The following PDE3B variants were observed in gnomAD, a reference collection of about 807,000 sequenced individuals.
The protein encoded by PDE3B is phosphodiesterase 3B, also known as cGMP-inhibited 3',5'-cyclic phosphodiesterase 3B.
Under a neutral mutation model 116.8 loss-of-function variants are expected in PDE3B, and 66 were observed. The observed-to-expected ratio is 0.56, with a 90% CI of 0.46 to 0.69. The LOEUF is 0.69. Among genes scored for constraint, PDE3B ranks in the 30% least tolerant of loss-of-function variants. The pLI, the probability that PDE3B is intolerant of heterozygous loss-of-function variation, is 0.00. For synonymous variants in PDE3B, 595 were observed against 533.6 expected (o/e 1.12, Z -1.59); for missense variants, 1,384 against 1,368.1 (o/e 1.01, Z -0.18).
chr11:14,675,855 GC>G (rs1237666833), intron 1 of PDE3B, among the ~76,000 whole-genome samples: 1 of 152,184 alleles, frequency 6.6e-6, no homozygotes, highest in African/African-American at 2.4e-5. Flanking sequence ...GCATTCTTGT[GC>G]AAGTCTTTTT....
chr11:14,688,960 G>T (rs1158621652), intron 1 of PDE3B, among the ~76,000 whole-genome samples: 1 of 151,980 alleles, frequency 6.6e-6, no homozygotes, highest in Non-Finnish European at 1.5e-5. Context: ...TTTAGTAGAG[G>T]TGAAGTTTCG....
chr11:14,890,220 GAAAA>G, the PDE3B span, among the ~76,000 whole-genome samples: 1 of 147,264 alleles, frequency 6.8e-6, no homozygotes, highest in Non-Finnish European at 1.5e-5. Context: ...TCACTACCGA[GAAAA>G]AAAAAAGACT....
intron 1 of PDE3B, among the ~76,000 whole-genome samples, chr11:14,700,092 C>CTGCT (rs1855320835): frequency 1.3e-5 from 2 of 151,586 alleles, no homozygotes; most frequent in South Asian, 4.2e-4. Context: ...AAGTGTTGGC[C>CTGCT]TGCTGGTCTT....
chr11:14,823,127 G>C (rs890223122), intron 7 of PDE3B, among the ~76,000 whole-genome samples: 1 of 152,182 alleles, frequency 6.6e-6, no homozygotes, highest in African/African-American at 2.4e-5. Flanking sequence ...TCCCGGGGGA[G>C]GGACAGGCCG....
intron 1 of PDE3B, among the ~76,000 whole-genome samples, chr11:14,645,460 C>T (rs1726271409): frequency 6.6e-6 from 1 of 152,062 alleles, no homozygotes; most frequent in African/African-American, 2.4e-5. Context: ...ATGATGCCTA[C>T]CCAAAAATAA....
chr11:14,822,123 A>C (rs1380432635), intron 7 of PDE3B, among the ~76,000 whole-genome samples: 1 of 152,080 alleles, frequency 6.6e-6, no homozygotes, highest in African/African-American at 2.4e-5. Context: ...GGCCAGTCCC[A>C]AACTTTTGGC....
intron 4 of PDE3B, 52 bp downstream of exon 4, chr11:14,789,294 T>C (rs766788657): frequency 7.1e-7 from 1 of 1,409,966 alleles, no homozygotes; most frequent in South Asian, 1.2e-5. Flanking sequence ...ATCTACTTTG[T>C]TTCTGTCAAT....
chr11:14,798,085 A>G (rs1858613755), intron 4 of PDE3B, among the ~76,000 whole-genome samples: 1 of 152,148 alleles, frequency 6.6e-6, no homozygotes, highest in African/African-American at 2.4e-5. Flanking sequence ...AATAGCTCTT[A>G]TTATTTTGAG....
intron 4 of PDE3B, among the ~76,000 whole-genome samples, chr11:14,800,997 T>A (rs1858743826): frequency 6.6e-6 from 1 of 152,146 alleles, no homozygotes; most frequent in African/African-American, 2.4e-5. Context: ...GTTTTTCAGC[T>A]CCATCAGGTC....
rs1327188919 is a variant in PDE3B, at chr11:14,830,800, G to A, written c.1910G>A (p.Gly637Asp). 2 of 1,537,498 alleles carry A rather than the reference G, an allele frequency of 1.3e-6. No homozygotes were observed. The highest frequency in any genetic ancestry group is 4.4e-5 in the Admixed American group (2 of 45,158). ...KKDSRKLFQE[G>D]DKWLTEEAQS... Reference sequence around the variant, plus strand: ...GACAGCAGAAAATTATTTCAGGAAGGTGATAAGTGGCTAACAGAAGAGGCA... The same window carrying A: ...GACAGCAGAAAATTATTTCAGGAAGATGATAAGTGGCTAACAGAAGAGGCA... The change falls in exon 8 of 16, where the codon GGT becomes GAT. Residue 637 changes from glycine to aspartate, a missense_variant. This residue lies in a region of PDE3B where 956 missense variants were observed against 806.8 expected (regional missense o/e 1.18). Transcript: ENST00000282096.
chr11:14,817,325 T>C (rs182925032), intron 5 of PDE3B, among the ~76,000 whole-genome samples: 1 of 152,030 alleles, frequency 6.6e-6, no homozygotes, highest in East Asian at 1.9e-4. Context: ...TTAGGAGATA[T>C]ACCTAATGTA....
At chr11:14,762,269 T>C (rs1203435098) in intron 1 of PDE3B, among the ~76,000 whole-genome samples, 1 of 152,120 alleles carries the variant, frequency 6.6e-6, no homozygotes, top group African/African-American at 2.4e-5. Flanking sequence ...ACCCAGCTGA[T>C]TTTGTACTTC....
intron 1 of PDE3B, among the ~76,000 whole-genome samples, chr11:14,657,286 A>G (rs1344817775): frequency 6.6e-6 from 1 of 152,196 alleles, no homozygotes; most frequent in Non-Finnish European, 1.5e-5. Context: ...AGGAATGGTA[A>G]GAGGGAGATA....
chr11:14,689,984 G>A (rs1590064408), intron 1 of PDE3B, among the ~76,000 whole-genome samples: 1 of 152,234 alleles, frequency 6.6e-6, no homozygotes, highest in South Asian at 2.1e-4. Context: ...TTTAGTTTGG[G>A]AGGCATGTAT....
chr11:14,778,724 C>T (rs556176510), intron 2 of PDE3B, among the ~76,000 whole-genome samples: 121 of 152,308 alleles, frequency 7.9e-4, no homozygotes, highest in African/African-American at 2.7e-3. Context: ...GAAACCAGAG[C>T]AGAAAAGCTG....
intron 4 of PDE3B, 96 bp downstream of exon 4, chr11:14,789,338 T>C: frequency 1.1e-6 from 1 of 935,446 alleles, no homozygotes. Flanking sequence ...CAGAAAGGAA[T>C]GGTTGAAGTA....
chr11:14,770,812 G>A (rs1857618286), intron 1 of PDE3B, among the ~76,000 whole-genome samples: 2 of 151,572 alleles, frequency 1.3e-5, no homozygotes, highest in Admixed American at 1.3e-4. Context: ...AGGAGATGGT[G>A]ATAATGATAA....
intron 1 of PDE3B, among the ~76,000 whole-genome samples, chr11:14,743,366 G>A (rs913263817): frequency 1.3e-5 from 2 of 152,132 alleles, no homozygotes; most frequent in African/African-American, 4.8e-5. Flanking sequence ...GCTGTGAGGG[G>A]AAAACCGCCT....
intron 1 of PDE3B, among the ~76,000 whole-genome samples, chr11:14,691,660 G>C (rs1487391484): frequency 6.6e-6 from 1 of 152,114 alleles, no homozygotes; most frequent in Non-Finnish European, 1.5e-5. Flanking sequence ...CAAAATTTCT[G>C]CCTTCATGGA....
Sources: gnomAD v4.1 joint callset for allele counts (sites outside exome capture counted in the v4.1 genomes callset) on GRCh38, gnomAD v4.1.1 for gene constraint, gnomAD v4.1.1 regional missense constraint, MANE v1.5 for transcripts, NCBI Gene and HGNC (gene_info 2026-07-23, HGNC 2026-07-21) for gene names.